PPP4R4: variants seen among roughly 807,000 people sequenced by gnomAD.
PPP4R4 encodes the protein serine/threonine-protein phosphatase 4 regulatory subunit 4.
A neutral mutation model predicts 121.8 loss-of-function variants in PPP4R4; 70 were observed. That is an observed-to-expected ratio of 0.57 (90% CI 0.47 to 0.70). PPP4R4 has a LOEUF of 0.70. PPP4R4 is among the 30% of genes least tolerant of loss of function. PPP4R4 has a pLI of 0.00. For synonymous variants in PPP4R4, 348 were observed against 355.7 expected, an observed-to-expected ratio of 0.98 and a Z score of 0.24; for missense variants, 875 against 1,033.6, an observed-to-expected ratio of 0.85 and a Z score of 2.10.
intron 3 of PPP4R4, among the ~76,000 whole-genome samples, chr14:94,229,383 G>A (rs1353357116): frequency 2.0e-5 from 3 of 152,008 alleles, no homozygotes; most frequent in Non-Finnish European, 4.4e-5. Context: ...CACAGTTTTT[G>A]GGCTGAGCAG....
chr14:94,260,302 T>C (rs1893713721), intron 19 of PPP4R4, among the ~76,000 whole-genome samples: 1 of 151,990 alleles, frequency 6.6e-6, no homozygotes, highest in South Asian at 2.1e-4. Context: ...GGCGGGTTCC[T>C]GTAGTCCCAG....
chr14:94,241,395 G>A (rs1244505785), intron 9 of PPP4R4, among the ~76,000 whole-genome samples: 1 of 151,936 alleles, frequency 6.6e-6, no homozygotes, highest in African/African-American at 2.4e-5. Flanking sequence ...TCCCTGCAGA[G>A]ACACATACAC....
intron 11 of PPP4R4, among the ~76,000 whole-genome samples, 163 bp from the exon 12 acceptor site, chr14:94,244,472 A>G (rs1330119530): frequency 1.3e-5 from 2 of 152,174 alleles, no homozygotes; most frequent in East Asian, 1.9e-4. Context: ...AAAGCTGGTT[A>G]TTTGTGCCAC....
At chr14:94,186,784 T>A (rs1466387511) in intron 2 of PPP4R4, among the ~76,000 whole-genome samples, 2 of 152,198 alleles carry the variant, frequency 1.3e-5, no homozygotes. Flanking sequence ...TAATTTTAAG[T>A]CATTCTAGTG....
At chr14:94,207,814 A>G (rs1167305272) in intron 2 of PPP4R4, among the ~76,000 whole-genome samples, 1 of 151,594 alleles carries the variant, frequency 6.6e-6, no homozygotes, top group Non-Finnish European at 1.5e-5. Flanking sequence ...TTTTGGGAAG[A>G]ATCTGAACAT....
At chr14:94,210,608 T>C (rs1374665990) in intron 3 of PPP4R4, among the ~76,000 whole-genome samples, 1 of 152,142 alleles carries the variant, frequency 6.6e-6, no homozygotes, top group African/African-American at 2.4e-5. Context: ...CGTCTTGCTG[T>C]ACTCCGTTTA....
chr14:94,246,616 A>G (rs1357024647), intron 14 of PPP4R4, 77 bp downstream of exon 14: 3 of 1,414,746 alleles, frequency 2.1e-6, no homozygotes, highest in African/African-American at 2.9e-5. Flanking sequence ...TCATATTTTC[A>G]AAATAGTAGA....
At position 94,265,422 on chromosome 14, in the gene PPP4R4, A is replaced by G. The variant is rs764510016; in HGVS notation, c.2233A>G (p.Lys745Glu). 11 of 1,613,322 alleles carry G rather than the reference A, an allele frequency of 6.8e-6. No homozygotes were observed. The highest frequency in any genetic ancestry group is 9.3e-6 in the Non-Finnish European group (11 of 1,179,374). ...DTKTPTQSLP[K>E]NIPISVPGPS... The stretch of plus-strand genomic sequence containing the variant: ...TAAGACACCAACGCAAAGTCTGCCC[A>G]AGAACATCCCCATTTCTGTTCCTGG... The change falls in exon 21 of 25, where the codon AAG (lysine) becomes GAG (glutamate). Residue 745 changes from lysine (K) to glutamate (E), a missense_variant. Transcript: ENST00000304338.
rs1888767607 is a variant in PPP4R4, at chr14:94,177,944, G to A, written c.191+1817G>A. On this transcript the variant is annotated intron_variant, in intron 2 of 24. Coordinates refer to ENST00000304338, the MANE Select transcript of PPP4R4 (RefSeq NM_058237.2). Reference sequence around the variant, plus strand: ...ACCTACCTTGAAGGAGGTTTGCAAGGTGACTCACAAGGGGAACACTGGTTT... The same window carrying A: ...ACCTACCTTGAAGGAGGTTTGCAAGATGACTCACAAGGGGAACACTGGTTT... 2.6e-5 allele frequency among the ~76,000 whole-genome samples: 4 copies of A among 152,176 alleles called. No individual in the cohort carries two copies. In the South Asian group the frequency reaches 6.2e-4, roughly 24 times the overall value.
chr14:94,258,831 A>G lies in PPP4R4; in HGVS notation c.2052+7A>G. The G allele has an allele frequency of 1.9e-6, 3 of 1,583,268 alleles. No individual in the cohort carries two copies. Among genetic ancestry groups the G allele is most frequent in the Non-Finnish European group, 2.6e-6 (3 of 1,153,302 alleles). On this transcript the variant is annotated splice_region_variant and intron_variant, in intron 18 of 24. Coordinates refer to ENST00000304338, the MANE Select transcript of PPP4R4 (RefSeq NM_058237.2). Reference sequence around the variant, plus strand: ...GGAAATGTCTATGGATGCTGTAAGTATACTCTCTTTACCTTATTGTGTTGG... The same window carrying G: ...GGAAATGTCTATGGATGCTGTAAGTGTACTCTCTTTACCTTATTGTGTTGG...
chr14:94,205,094 C>T (rs967147098), intron 2 of PPP4R4, among the ~76,000 whole-genome samples: 3 of 152,144 alleles, frequency 2.0e-5, no homozygotes, highest in Non-Finnish European at 4.4e-5. Context: ...GTGCCACCTC[C>T]TCTTCTCTTT....
chr14:94,182,280 G>A (rs1053581077), intron 2 of PPP4R4, among the ~76,000 whole-genome samples: 4 of 152,046 alleles, frequency 2.6e-5, no homozygotes, highest in East Asian at 3.8e-4. Flanking sequence ...TTTTTAACGC[G>A]AACTTTGAAT....
Position 94,241,895 on chromosome 14 carries a change from C to G in PPP4R4, c.1084C>G (p.Gln362Glu), listed in dbSNP as rs1276583757. 3 of 1,610,892 alleles carry G rather than the reference C, an allele frequency of 1.9e-6. No homozygotes were observed. The highest frequency in any genetic ancestry group is 1.7e-5 in the Admixed American group (1 of 59,402). Residue 362 changes from glutamine to glutamate, a missense_variant, in exon 10 of 25, where the codon CAA becomes GAA. By Grantham distance (29) the Gln-to-Glu change is conservative. Transcript: ENST00000304338. ...ACACAATGAAAACCAGATTCCACCC[C>G]AAATCCTAGAGCAGGAGAAGAAATA... is the stretch of plus-strand genomic sequence containing the variant. ...NGHNENQIPP[Q>E]ILEQEKKYIS...
At chr14:94,263,052 T>C (rs1300924153) in intron 19 of PPP4R4, among the ~76,000 whole-genome samples, 1 of 152,134 alleles carries the variant, frequency 6.6e-6, no homozygotes, top group Admixed American at 6.5e-5. Context: ...TTTTTTCCTT[T>C]AGCTTTTGTT....
intron 15 of PPP4R4, among the ~76,000 whole-genome samples, chr14:94,250,676 T>G (rs1893134784): frequency 6.6e-6 from 1 of 151,966 alleles, no homozygotes; most frequent in South Asian, 2.1e-4. Flanking sequence ...ATAGTATATT[T>G]GAATATTAAT....
chr14:94,242,108 TTTATA>T, intron 10 of PPP4R4, 151 bp downstream of exon 10: 1 of 1,162,566 alleles, frequency 8.6e-7, no homozygotes, highest in Non-Finnish European at 1.2e-6. Context: ...ATTTGTGAAA[TTTATA>T]TCTCTACGTA....
chr14:94,177,990 A>G (rs1359244209), intron 2 of PPP4R4, among the ~76,000 whole-genome samples: 3 of 152,216 alleles, frequency 2.0e-5, no homozygotes, highest in South Asian at 2.1e-4. Context: ...GGATTCTCCA[A>G]CTGAGTTCTT....
intron 16 of PPP4R4, 146 bp from the exon 17 acceptor site, chr14:94,256,314 A>T (rs1174555066): frequency 3.4e-6 from 2 of 586,094 alleles, no homozygotes; most frequent in Admixed American, 3.8e-5. Context: ...CAGAATGATG[A>T]ATGTTTGACA....
At chr14:94,186,558 T>A (rs556176671) in intron 2 of PPP4R4, among the ~76,000 whole-genome samples, 1 of 152,378 alleles carries the variant, frequency 6.6e-6, no homozygotes, top group Non-Finnish European at 1.5e-5. Flanking sequence ...TTAGTGACTA[T>A]ACACATTCAT....
Sources: allele counts gnomAD v4.1 joint callset (sites outside exome capture counted in the v4.1 genomes callset), GRCh38; gene constraint gnomAD v4.1.1; transcripts MANE v1.5; gene names NCBI Gene and HGNC (gene_info 2026-07-23, HGNC 2026-07-21).